The following CSMD1 variants were observed in gnomAD, a reference collection of about 807,000 sequenced individuals.
CSMD1 encodes the protein CUB and sushi domain-containing protein 1.
A neutral mutation model predicts 417.5 loss-of-function variants in CSMD1; 213 were observed. The observed-to-expected ratio is 0.51, with a 90% confidence interval of 0.46 to 0.57. CSMD1 has a LOEUF of 0.57. Among genes scored for constraint, CSMD1 ranks in the 20% least tolerant of loss-of-function variants. The pLI is 0.00. For missense variants in CSMD1, 6,923 were observed against 4,529.7 expected, an observed-to-expected ratio of 1.53 and a Z score of -15.17; for synonymous variants, 2,862 against 1,736.8, an observed-to-expected ratio of 1.65 and a Z score of -16.11.
Position 4,110,362 on chromosome 8 carries a change from G to A in CSMD1, c.416-78263C>T, listed in dbSNP as rs547637831. ...CTAACTTCAGCCTATGGATATGTAT[G>A]TTTTTAATCTAAGGGAAAAGTCAGC... is the stretch of plus-strand genomic sequence containing the variant. On this transcript the variant is annotated intron_variant, in intron 3 of 69. Transcript: ENST00000635120. 2.0e-5 allele frequency among the ~76,000 whole-genome samples: 3 copies of A among 152,226 alleles called. No homozygotes were observed. In the East Asian group the frequency reaches 5.8e-4, roughly 29 times the overall value.
intron 5 of CSMD1, among the ~76,000 whole-genome samples, chr8:3,886,574 G>A (rs375190706): frequency 6.6e-6 from 1 of 152,176 alleles, no homozygotes; most frequent in Admixed American, 6.5e-5. Flanking sequence ...CTGTGTTGCA[G>A]GAAAAGTTTA....
intron 7 of CSMD1, among the ~76,000 whole-genome samples, chr8:3,619,414 G>C (rs561463362): frequency 6.6e-6 from 1 of 151,624 alleles, no homozygotes; most frequent in South Asian, 2.1e-4. Flanking sequence ...GGCATACAAA[G>C]AAAGAGGGAA....
chr8:3,009,035 A>G (rs1585140667), intron 52 of CSMD1, among the ~76,000 whole-genome samples: 1 of 152,182 alleles, frequency 6.6e-6, no homozygotes, highest in African/African-American at 2.4e-5. Context: ...CTCCCGCAGA[A>G]ACCCCATATA....
chr8:4,034,044 T>C (rs1029419896), intron 3 of CSMD1, among the ~76,000 whole-genome samples: 6 of 152,202 alleles, frequency 3.9e-5, no homozygotes, highest in African/African-American at 1.4e-4. Flanking sequence ...GAACAGAAAC[T>C]ATTTCATGTC....
intron 7 of CSMD1, among the ~76,000 whole-genome samples, chr8:3,662,897 T>C (rs1163531224): frequency 6.6e-6 from 1 of 151,926 alleles, no homozygotes; most frequent in Non-Finnish European, 1.5e-5. Context: ...ATGAGAGGCT[T>C]AAAACCTAGA....
At chr8:3,772,240 T>C (rs534341398) in intron 5 of CSMD1, among the ~76,000 whole-genome samples, 30 of 107,712 alleles carry the variant, frequency 2.8e-4, no homozygotes, top group Non-Finnish European at 5.2e-4. Context: ...CATATTTATA[T>C]ATAGATATAT....
At chr8:4,037,312 G>C (rs1377145670) in intron 3 of CSMD1, among the ~76,000 whole-genome samples, 3 of 152,080 alleles carry the variant, frequency 2.0e-5, no homozygotes, top group African/African-American at 4.8e-5. Flanking sequence ...GTTTTGCTTA[G>C]AGCCACATTT....
intron 3 of CSMD1, among the ~76,000 whole-genome samples, chr8:4,084,651 A>G (rs898661657): frequency 6.6e-6 from 1 of 152,170 alleles, no homozygotes; most frequent in Non-Finnish European, 1.5e-5. Context: ...GTGATGGCAC[A>G]ACATTAGCAA....
intron 3 of CSMD1, among the ~76,000 whole-genome samples, chr8:4,049,391 C>T (rs1283328675): frequency 1.3e-5 from 2 of 151,648 alleles, no homozygotes; most frequent in Non-Finnish European, 2.9e-5. Flanking sequence ...GCAGACATTG[C>T]CAAACGTCAT....
intron 26 of CSMD1, among the ~76,000 whole-genome samples, chr8:3,255,463 G>A (rs546085638): frequency 1.3e-5 from 2 of 152,224 alleles, no homozygotes; most frequent in South Asian, 4.1e-4. Context: ...CCTGCCCCCA[G>A]AGGTGGAGCC....
intron 68 of CSMD1, among the ~76,000 whole-genome samples, chr8:2,947,031 T>C (rs566595879): frequency 2.6e-5 from 4 of 152,354 alleles, no homozygotes; most frequent in East Asian, 3.9e-4. Flanking sequence ...TAGAGACATA[T>C]CTATTCAAAT....
chr8:3,087,435 T>C (rs898443678), intron 48 of CSMD1, 150 bp from the exon 49 acceptor site: 2 of 783,914 alleles, frequency 2.6e-6, no homozygotes, highest in African/African-American at 3.5e-5. Context: ...TAAAGAGCAT[T>C]CCAAAACTTG....
intron 10 of CSMD1, among the ~76,000 whole-genome samples, chr8:3,533,330 G>T (rs1331332226): frequency 1.3e-5 from 2 of 152,112 alleles, no homozygotes; most frequent in African/African-American, 2.4e-5. Context: ...TTGTACAGCA[G>T]ATCTCTAGAA....
chr8:3,840,768 T>A (rs1193622854), intron 5 of CSMD1, among the ~76,000 whole-genome samples: 3 of 150,600 alleles, frequency 2.0e-5, no homozygotes, highest in Non-Finnish European at 3.0e-5. Context: ...GGATCTCAGT[T>A]CACTGCAACG....
intron 3 of CSMD1, among the ~76,000 whole-genome samples, chr8:4,414,199 G>A (rs556769596): frequency 1.8e-4 from 27 of 152,138 alleles, no homozygotes; most frequent in Non-Finnish European, 3.8e-4. Context: ...TCTAAATCCA[G>A]ATCCACAGGT....
chr8:3,599,151 C>CTGTG (rs1554483034), intron 8 of CSMD1, among the ~76,000 whole-genome samples: 1 of 119,892 alleles, frequency 8.3e-6, no homozygotes, highest in African/African-American at 3.4e-5. Context: ...GTGTGTGTGT[C>CTGTG]TGTGTGTGTG....
At chr8:4,831,359 C>T (rs1380478580) in intron 1 of CSMD1, among the ~76,000 whole-genome samples, 2 of 152,124 alleles carry the variant, frequency 1.3e-5, no homozygotes, top group African/African-American at 2.4e-5. Context: ...AATTAACATC[C>T]TTATTCTTAT....
At chr8:3,756,495 A>C (rs765533391) in intron 5 of CSMD1, among the ~76,000 whole-genome samples, 2 of 152,220 alleles carry the variant, frequency 1.3e-5, no homozygotes, top group African/African-American at 4.8e-5. Context: ...CACTGAAATT[A>C]AGCACAGAAG....
At chr8:3,088,262 G>T (rs911308457) in intron 48 of CSMD1, among the ~76,000 whole-genome samples, 2 of 152,180 alleles carry the variant, frequency 1.3e-5, no homozygotes, top group African/African-American at 4.8e-5. Context: ...ATCTGCACAA[G>T]GCTAGGTCAC....
Sources: allele counts gnomAD v4.1 joint callset (sites outside exome capture counted in the v4.1 genomes callset), GRCh38; gene constraint gnomAD v4.1.1; transcripts MANE v1.5; gene names NCBI Gene and HGNC (gene_info 2026-07-23, HGNC 2026-07-21).